The following PCDH9 variants were observed in gnomAD, a reference collection of about 807,000 sequenced individuals.
The protein encoded by PCDH9 is protocadherin-9.
PCDH9 carries 24 observed loss-of-function variants against 70.6 expected under a neutral mutation model. The observed-to-expected ratio is 0.34, with a 90% CI of 0.25 to 0.48. The LOEUF (loss-of-function observed/expected upper bound fraction) is 0.48, where lower values mean the gene tolerates loss of function less well. Ranked by LOEUF, PCDH9 falls within the 20% of genes least tolerant of loss-of-function variation. The probability of loss-of-function intolerance (pLI) is 0.99; values close to 1 mark genes in which losing one functional copy is unlikely to be tolerated. For synonymous variants in PCDH9, 562 were observed against 558.5 expected, an observed-to-expected ratio of 1.01 and a Z score of -0.09; for missense variants, 1,281 against 1,503.6, an observed-to-expected ratio of 0.85 and a Z score of 2.45.
At chr13:66,600,005 T>C (rs545414819) in intron 4 of PCDH9, among the ~76,000 whole-genome samples, 1 of 151,902 alleles carries the variant, frequency 6.6e-6, no homozygotes, top group Non-Finnish European at 1.5e-5. Flanking sequence ...ACCTTTATTA[T>C]GGCACTTGTC....
chr13:66,887,852 C>A (rs1169945394), intron 3 of PCDH9, among the ~76,000 whole-genome samples: 1 of 152,028 alleles, frequency 6.6e-6, no homozygotes, highest in African/African-American at 2.4e-5. Context: ...TTCCACATAA[C>A]AAGGATATCT....
At chr13:67,135,766 A>G (rs1486823004) in intron 2 of PCDH9, among the ~76,000 whole-genome samples, 1 of 152,190 alleles carries the variant, frequency 6.6e-6, no homozygotes, top group Non-Finnish European at 1.5e-5. Flanking sequence ...AAATTGTAGT[A>G]CATTTGCAAA....
At chr13:66,309,813 G>A (rs574927927) in intron 4 of PCDH9, among the ~76,000 whole-genome samples, 2 of 151,640 alleles carry the variant, frequency 1.3e-5, no homozygotes, top group South Asian at 4.2e-4. Flanking sequence ...TGTGAGTGTG[G>A]TGTGTTTGTG....
chr13:66,348,710 C>G (rs9564312), intron 4 of PCDH9, among the ~76,000 whole-genome samples: 1 of 133,012 alleles, frequency 7.5e-6, no homozygotes, highest in Non-Finnish European at 1.6e-5. Context: ...CCAAGTTTCT[C>G]TAATGGTTAA....
At chr13:66,639,815 CTTGT>C (rs1205321346) in intron 3 of PCDH9, among the ~76,000 whole-genome samples, 1 of 152,092 alleles carries the variant, frequency 6.6e-6, no homozygotes, top group African/African-American at 2.4e-5. Flanking sequence ...TTCTTATATT[CTTGT>C]TTATTAGTTC....
At chr13:67,021,176 C>A (rs1167986276) in intron 2 of PCDH9, among the ~76,000 whole-genome samples, 1 of 152,122 alleles carries the variant, frequency 6.6e-6, no homozygotes, top group Non-Finnish European at 1.5e-5. Context: ...ACTCACAAAG[C>A]AAAGTGACAA....
intron 4 of PCDH9, among the ~76,000 whole-genome samples, chr13:66,345,951 G>A (rs1381686866): frequency 6.6e-6 from 1 of 152,116 alleles, no homozygotes; most frequent in Non-Finnish European, 1.5e-5. Flanking sequence ...AGCGTATAGG[G>A]GAAAAGCCGT....
chr13:66,928,126 A>G (rs1427972413), intron 2 of PCDH9, among the ~76,000 whole-genome samples: 1 of 152,106 alleles, frequency 6.6e-6, no homozygotes, highest in Non-Finnish European at 1.5e-5. Flanking sequence ...GTCACGAGCC[A>G]TGGGTTCCTT....
At chr13:66,655,046 T>TA (rs1384768966) in intron 3 of PCDH9, among the ~76,000 whole-genome samples, 1 of 151,972 alleles carries the variant, frequency 6.6e-6, no homozygotes, top group East Asian at 1.9e-4. Flanking sequence ...TTTAAATAAT[T>TA]AAAAAATGAT....
intron 2 of PCDH9, among the ~76,000 whole-genome samples, chr13:67,134,472 C>T (rs777972509): frequency 6.6e-6 from 1 of 152,082 alleles, no homozygotes; most frequent in Non-Finnish European, 1.5e-5. Flanking sequence ...CTGCTGTTCA[C>T]GCAGCATTGA....
chr13:66,759,159 T>C (rs1014745107), intron 3 of PCDH9, among the ~76,000 whole-genome samples: 9 of 152,216 alleles, frequency 5.9e-5, no homozygotes, highest in African/African-American at 2.2e-4. Flanking sequence ...TTTACATATG[T>C]AGCTGCTCTG....
At chr13:67,048,921 G>C (rs1485620075) in intron 2 of PCDH9, among the ~76,000 whole-genome samples, 1 of 152,178 alleles carries the variant, frequency 6.6e-6, no homozygotes, top group African/African-American at 2.4e-5. Context: ...CAAAACTGCT[G>C]GAAGACATTA....
intron 4 of PCDH9, among the ~76,000 whole-genome samples, chr13:66,326,700 G>GCCA (rs1392527368): frequency 6.6e-6 from 1 of 152,068 alleles, no homozygotes; most frequent in Non-Finnish European, 1.5e-5. Flanking sequence ...ACAGGTGTGA[G>GCCA]CCACCGCTCC....
At chr13:66,817,615 T>C (rs2080631587) in intron 3 of PCDH9, among the ~76,000 whole-genome samples, 1 of 152,234 alleles carries the variant, frequency 6.6e-6, no homozygotes, top group African/African-American at 2.4e-5. Context: ...TTAAATTTAT[T>C]TTCATTTATT....
intron 4 of PCDH9, among the ~76,000 whole-genome samples, chr13:66,616,519 T>G (rs2077358841): frequency 7.1e-6 from 1 of 139,962 alleles, no homozygotes; most frequent in African/African-American, 2.6e-5. Flanking sequence ...GCCTACATTT[T>G]AGACTAGCCC....
Position 66,604,376 on chromosome 13 carries a change from TTG to T in PCDH9, c.3340+26832_3340+26833del, listed in dbSNP as rs147944073. ...AAAAGTATAATAGACGAATAAATAG[TTG>T]TGTGTGCACACATTTATTTTCATCA... On this transcript the variant is annotated intron_variant, in intron 4 of 4. Transcript: ENST00000377865. Among the ~76,000 whole-genome samples the T allele has an allele frequency of 2.6e-5, 4 of 152,260 alleles. No homozygotes were observed. In the East Asian group the frequency reaches 5.8e-4, roughly 22 times the overall value.
At chr13:67,138,354 G>T (rs1308530427) in intron 2 of PCDH9, among the ~76,000 whole-genome samples, 1 of 152,090 alleles carries the variant, frequency 6.6e-6, no homozygotes, top group Non-Finnish European at 1.5e-5. Flanking sequence ...TATGTAAATT[G>T]CAGGAAATAT....
At chr13:67,022,911 T>G (rs146755367) in intron 2 of PCDH9, among the ~76,000 whole-genome samples, 1 of 152,354 alleles carries the variant, frequency 6.6e-6, no homozygotes, top group East Asian at 1.9e-4. Context: ...TGTTGAAGAC[T>G]AACTGCTTCA....
intron 2 of PCDH9, among the ~76,000 whole-genome samples, chr13:67,105,574 G>T (rs1268137623): frequency 6.6e-6 from 1 of 152,062 alleles, no homozygotes; most frequent in Non-Finnish European, 1.5e-5. Flanking sequence ...TTAGAAAAAA[G>T]ACATGATTTT....
Sources: allele counts gnomAD v4.1 joint callset (sites outside exome capture counted in the v4.1 genomes callset), GRCh38; gene constraint gnomAD v4.1.1; transcripts MANE v1.5; gene names NCBI Gene and HGNC (gene_info 2026-07-23, HGNC 2026-07-21).